Variants in SORBS2 observed in about 807,000 individuals in gnomAD.
SORBS2 encodes the protein sorbin and SH3 domain containing 2.
SORBS2 carries 46 observed loss-of-function variants against 97.7 expected under a neutral mutation model. The ratio of observed to expected loss-of-function variants is 0.47; its 90% CI spans 0.37 to 0.60. SORBS2 has a LOEUF of 0.60. SORBS2 is among the 20% of genes least tolerant of loss of function. The pLI, the probability that SORBS2 is intolerant of heterozygous loss-of-function variation, is 0.00. For synonymous variants in SORBS2, 476 were observed against 473.4 expected, an observed-to-expected ratio of 1.01 and a Z score of -0.07; for missense variants, 1,316 against 1,282.3, an observed-to-expected ratio of 1.03 and a Z score of -0.40.
intron 1 of SORBS2, among the ~76,000 whole-genome samples, chr4:185,851,084 CA>C (rs1215601701): frequency 6.6e-6 from 1 of 152,166 alleles, no homozygotes; most frequent in African/African-American, 2.4e-5. Context: ...GCCATAATCA[CA>C]TGAAGCAATT....
At chr4:185,955,865 G>A (rs950190102) in intron 1 of SORBS2, among the ~76,000 whole-genome samples, 3 of 151,794 alleles carry the variant, frequency 2.0e-5, no homozygotes, top group African/African-American at 7.3e-5. Context: ...CCCACCCCAG[G>A]TCTTCCCCCA....
intron 1 of SORBS2, among the ~76,000 whole-genome samples, chr4:185,909,689 C>G (rs2099253790): frequency 1.3e-5 from 2 of 152,138 alleles, no homozygotes; most frequent in Non-Finnish European, 1.5e-5. Context: ...CACTGCCACT[C>G]AATATAACTT....
At chr4:185,879,932 A>G (rs998919989) in intron 1 of SORBS2, among the ~76,000 whole-genome samples, 1 of 152,206 alleles carries the variant, frequency 6.6e-6, no homozygotes, top group Non-Finnish European at 1.5e-5. Context: ...CCACGGTGAC[A>G]CGTACAGCAG....
chr4:185,653,086 T>C (rs1274667994), intron 1 of SORBS2, among the ~76,000 whole-genome samples: 3 of 152,270 alleles, frequency 2.0e-5, no homozygotes, highest in Non-Finnish European at 2.9e-5. Flanking sequence ...TTTTGGTAGA[T>C]AATGATCATT....
upstream of SORBS2, among the ~76,000 whole-genome samples, chr4:185,658,663 T>G (rs2097450670): frequency 6.6e-6 from 1 of 151,278 alleles, no homozygotes; most frequent in Non-Finnish European, 1.5e-5. Context: ...AATGTATTTT[T>G]CATGAAAAAT....
At chr4:185,777,229 A>G (rs1305569392) in intron 1 of SORBS2, among the ~76,000 whole-genome samples, 1 of 152,184 alleles carries the variant, frequency 6.6e-6, no homozygotes, top group Non-Finnish European at 1.5e-5. Flanking sequence ...AATGTATACC[A>G]GGCTTTAAAA....
chr4:185,926,305 G>T (rs1163985393), intron 1 of SORBS2, among the ~76,000 whole-genome samples: 1 of 152,244 alleles, frequency 6.6e-6, no homozygotes, highest in Non-Finnish European at 1.5e-5. Context: ...GAACTAGCGT[G>T]GTGGCGGCAC....
At chr4:185,798,140 C>G (rs1461856928) in intron 1 of SORBS2, among the ~76,000 whole-genome samples, 1 of 152,154 alleles carries the variant, frequency 6.6e-6, no homozygotes, top group South Asian at 2.1e-4. Flanking sequence ...GATAGTAATG[C>G]CTGCTCACAT....
rs140488116 is a variant in SORBS2 at position 185,607,448 on chromosome 4, C to A, written c.2796+4332G>T. Reference sequence around the variant, plus strand: ...GCGATGGAGAAATGCAGAAAAGATGCGGTGGTGAATATGAAAATAATTTTA... The same window carrying A: ...GCGATGGAGAAATGCAGAAAAGATGAGGTGGTGAATATGAAAATAATTTTA... On this transcript the variant is annotated intron_variant, in intron 12 of 14. Coordinates refer to ENST00000418609, the Ensembl canonical transcript of SORBS2. This position sits in a 1 kb window ranked among gnomAD's most constrained non-coding sequence, Gnocchi z 5.2. 2 of 514,576 alleles carry A rather than the reference C, an allele frequency of 3.9e-6. No homozygotes were observed. Among genetic ancestry groups the A allele is most frequent in the African/African-American group, 2.1e-5 (1 of 48,504 alleles). 31.9% of individuals were successfully genotyped at this position (514,576 alleles called of 1,614,324 possible). A position where few individuals can be genotyped will look rare whatever the true frequency, so the allele number is the denominator to read the frequency against.
chr4:185,641,501 C>T (rs1159207588), intron 4 of SORBS2, among the ~76,000 whole-genome samples: 4 of 152,034 alleles, frequency 2.6e-5, no homozygotes, highest in Non-Finnish European at 5.9e-5. Context: ...ACAGAAGCCT[C>T]GCAACAGTCA....
intron 1 of SORBS2, among the ~76,000 whole-genome samples, chr4:185,953,933 C>T (rs1347018743): frequency 6.6e-6 from 1 of 152,246 alleles, no homozygotes; most frequent in Non-Finnish European, 1.5e-5. Flanking sequence ...GGTCCATTAT[C>T]TCATGCCTGG....
At chr4:185,706,405 C>G (rs1239203722) in intron 2 of SORBS2, among the ~76,000 whole-genome samples, 3 of 152,150 alleles carry the variant, frequency 2.0e-5, no homozygotes, top group Admixed American at 6.5e-5. Context: ...TGTAATATAA[C>G]ATAAGTGATA....
chr4:185,694,675 CTTT>C (rs1042269923), intron 2 of SORBS2, among the ~76,000 whole-genome samples: 1 of 132,120 alleles, frequency 7.6e-6, no homozygotes, highest in African/African-American at 2.7e-5. Context: ...GCTTGAATTT[CTTT>C]TTTTTCTTTT....
At chr4:185,685,819 T>C (rs2097947199) in intron 2 of SORBS2, among the ~76,000 whole-genome samples, 1 of 152,254 alleles carries the variant, frequency 6.6e-6, no homozygotes, top group Non-Finnish European at 1.5e-5. Context: ...GCCTCATTTA[T>C]TGCTTTTATA....
intron 1 of SORBS2, among the ~76,000 whole-genome samples, chr4:185,944,057 T>A (rs1346838291): frequency 3.3e-5 from 5 of 152,236 alleles, no homozygotes; most frequent in Admixed American, 6.5e-5. Flanking sequence ...AGCAAAGCTA[T>A]GTCCTACTTA....
intron 4 of SORBS2, 63 bp from the exon 8 acceptor site, chr4:185,662,305 T>G: frequency 6.7e-7 from 1 of 1,495,110 alleles, no homozygotes; most frequent in African/African-American, 1.4e-5. Flanking sequence ...CATCATTCCA[T>G]TAGGTGATAA....
intron 1 of SORBS2, among the ~76,000 whole-genome samples, chr4:185,776,709 G>A (rs762712901): frequency 1.3e-5 from 2 of 151,156 alleles, no homozygotes; most frequent in Non-Finnish European, 3.0e-5. Flanking sequence ...GACCATCCTG[G>A]CTAACATGGT....
chr4:185,904,805 C>G (rs2099249765), intron 1 of SORBS2, among the ~76,000 whole-genome samples: 1 of 152,000 alleles, frequency 6.6e-6, no homozygotes, highest in Non-Finnish European at 1.5e-5. Flanking sequence ...GCAACTACCT[C>G]CAAGGGTAAA....
intron 1 of SORBS2, among the ~76,000 whole-genome samples, chr4:185,863,989 C>T (rs1561246394): frequency 6.6e-6 from 1 of 152,170 alleles, no homozygotes; most frequent in South Asian, 2.1e-4. Context: ...CAAAGATTAA[C>T]CACAAGCTTT....
Sources: allele counts gnomAD v4.1 joint callset (sites outside exome capture counted in the v4.1 genomes callset), GRCh38; gene constraint gnomAD v4.1.1; non-coding constraint Gnocchi (gnomAD v3.1); transcripts MANE v1.5; gene names NCBI Gene and HGNC (gene_info 2026-07-23, HGNC 2026-07-21).